ZC3H12B: variants seen among roughly 807,000 people sequenced by gnomAD.
ZC3H12B encodes probable ribonuclease ZC3H12B.
A neutral mutation model predicts 43.9 loss-of-function variants in ZC3H12B; 7 were observed. The ratio of observed to expected loss-of-function variants is 0.16; its 90% confidence interval spans 0.09 to 0.30. ZC3H12B has a LOEUF of 0.30. ZC3H12B is among the 10% of genes least tolerant of loss of function. The probability of loss-of-function intolerance (pLI) is 1.00; values close to 1 mark genes in which losing one functional copy is unlikely to be tolerated. For synonymous variants in ZC3H12B, 222 were observed against 241.7 expected, an observed-to-expected ratio of 0.92 and a Z score of 0.76; for missense variants, 475 against 670.2, an observed-to-expected ratio of 0.71 and a Z score of 3.22.
chrX:65,488,753 G>A, exon 1 of ZC3H12B: 1 of 1,104,049 alleles, frequency 9.1e-7, no homozygotes. Context: ...TTCCAAGCAG[G>A]CTAAAAAGAA....
the ZC3H12B span, among the ~76,000 whole-genome samples, chrX:65,188,953 C>CG: frequency 4.1e-5 from 3 of 72,999 alleles, no homozygotes; most frequent in Non-Finnish European, 7.6e-5. Flanking sequence ...CCCCTCCCCC[C>CG]ACCCCACCAC....
chrX:65,043,599 A>C, the ZC3H12B span, among the ~76,000 whole-genome samples: 4 of 111,261 alleles, frequency 3.6e-5, no homozygotes, highest in East Asian at 1.1e-3. Context: ...AAATGTTAAC[A>C]CACTTTAAAA....
At chrX:65,071,711 G>A in the ZC3H12B span, among the ~76,000 whole-genome samples, 18 of 111,790 alleles carry the variant, frequency 1.6e-4, no homozygotes, top group Admixed American at 4.7e-4. Flanking sequence ...TGCATATGAA[G>A]CTTAGTTTTT....
At chrX:65,425,910 C>A (rs1484439863) in intron 3 of ZC3H12B, among the ~76,000 whole-genome samples, 5 of 110,724 alleles carry the variant, frequency 4.5e-5, no homozygotes. Flanking sequence ...AAGCATATGG[C>A]CTTAAGTTTC....
At chrX:65,159,572 T>G in the ZC3H12B span, among the ~76,000 whole-genome samples, 96 of 111,859 alleles carry the variant, frequency 8.6e-4, no homozygotes, top group Non-Finnish European at 1.5e-3. Context: ...CTGTCTGTTA[T>G]TGGTGTGTAA....
At chrX:65,220,957 C>G in the ZC3H12B span, among the ~76,000 whole-genome samples, 2 of 111,549 alleles carry the variant, frequency 1.8e-5, no homozygotes, top group Non-Finnish European at 3.8e-5. Flanking sequence ...GGCCACAAAA[C>G]AAGTTTCAGT....
chrX:65,272,273 A>AAAAAAAACAAAAC, the ZC3H12B span: 2 of 108,668 alleles, frequency 1.8e-5, no homozygotes, highest in African/African-American at 3.5e-5. Context: ...AATTTAGTAA[A>AAAAAAAACAAAAC]AAAAAAAAAA....
At chrX:65,371,253 C>G (rs948002112) in intron 2 of ZC3H12B, among the ~76,000 whole-genome samples, 2 of 111,907 alleles carry the variant, frequency 1.8e-5, no homozygotes, top group Non-Finnish European at 3.8e-5. Context: ...TTTACATTTT[C>G]AAAGTATTTT....
chrX:65,474,155 G>A (rs944146500), intron 3 of ZC3H12B, among the ~76,000 whole-genome samples: 17 of 111,393 alleles, frequency 1.5e-4, no homozygotes, highest in Admixed American at 1.1e-3. Context: ...TCAGATGTTG[G>A]GTGTGTATAT....
chrX:65,160,791 GC>G, the ZC3H12B span, among the ~76,000 whole-genome samples: 1 of 110,843 alleles, frequency 9.0e-6, no homozygotes. Context: ...GTTATTTCTT[GC>G]CTTCTGCTAG....
the ZC3H12B span, among the ~76,000 whole-genome samples, chrX:65,188,667 G>A: frequency 1.8e-5 from 2 of 110,556 alleles, no homozygotes; most frequent in Non-Finnish European, 3.8e-5. Flanking sequence ...TTTATTTGTA[G>A]CTATGGTAAA....
the ZC3H12B span, among the ~76,000 whole-genome samples, chrX:65,097,836 T>A: frequency 4.5e-5 from 5 of 112,047 alleles, no homozygotes; most frequent in Admixed American, 9.5e-5. Flanking sequence ...GTATTGTTAT[T>A]AGCATCTTTG....
the ZC3H12B span, among the ~76,000 whole-genome samples, chrX:65,148,194 G>T: frequency 9.0e-6 from 1 of 111,122 alleles, no homozygotes; most frequent in African/African-American, 3.3e-5. Context: ...CCAATCTGAT[G>T]CTAAGGTGGG....
At chrX:65,273,937 G>A in the ZC3H12B span, among the ~76,000 whole-genome samples, 2 of 112,319 alleles carry the variant, frequency 1.8e-5, no homozygotes, top group African/African-American at 6.5e-5. Flanking sequence ...ACCCAAGAAG[G>A]GAACACAGCA....
intron 3 of ZC3H12B, among the ~76,000 whole-genome samples, chrX:65,433,890 A>T (rs1450046536): frequency 8.9e-6 from 1 of 111,866 alleles, no homozygotes; most frequent in East Asian, 2.8e-4. Context: ...TGATTCTCTG[A>T]TTTTATGCTT....
chrX:65,260,725 T>A, the ZC3H12B span, among the ~76,000 whole-genome samples: 1 of 111,863 alleles, frequency 8.9e-6, no homozygotes, highest in African/African-American at 3.2e-5. Context: ...TTCTTCTCCT[T>A]AAATCCTTTT....
upstream of ZC3H12B, among the ~76,000 whole-genome samples, chrX:65,485,144 A>C (rs1490555833): frequency 2.7e-5 from 3 of 112,594 alleles, no homozygotes. Flanking sequence ...CTTAAAACAA[A>C]TTACATCCAG....
the ZC3H12B span, among the ~76,000 whole-genome samples, chrX:65,188,094 T>G: frequency 1.8e-5 from 2 of 111,539 alleles, no homozygotes; most frequent in Admixed American, 1.9e-4. Flanking sequence ...TCACTTAACA[T>G]AATGACCTCC....
chrX:65,342,659 A>G, the ZC3H12B span, among the ~76,000 whole-genome samples: 1 of 111,175 alleles, frequency 9.0e-6, no homozygotes, highest in Non-Finnish European at 1.9e-5. Flanking sequence ...CTAAGGTAGC[A>G]CTAAGAGGAA....
Sources: gnomAD v4.1 joint callset for allele counts (sites outside exome capture counted in the v4.1 genomes callset) on GRCh38, gnomAD v4.1.1 for gene constraint, MANE v1.5 for transcripts, NCBI Gene and HGNC (gene_info 2026-07-23, HGNC 2026-07-21) for gene names.